The following LRRTM4 variants were observed in gnomAD, a reference collection of about 807,000 sequenced individuals.
The protein encoded by LRRTM4 is leucine rich repeat transmembrane neuronal 4, also known as leucine-rich repeat transmembrane neuronal protein 4.
A neutral mutation model predicts 47.6 loss-of-function variants in LRRTM4; 25 were observed. That is an observed-to-expected ratio of 0.53 (90% CI 0.38 to 0.73). LRRTM4 has a LOEUF of 0.73. Ranked by LOEUF, LRRTM4 falls within the 30% of genes least tolerant of loss-of-function variation. The pLI is 0.00. For missense variants in LRRTM4, 638 were observed against 713.4 expected (o/e 0.89, Z 1.20); for synonymous variants, 311 against 269.5 (o/e 1.15, Z -1.51).
chr2:76,963,755 T>C (rs564898122), intron 3 of LRRTM4, among the ~76,000 whole-genome samples: 1 of 150,980 alleles, frequency 6.6e-6, no homozygotes, highest in African/African-American at 2.4e-5. Flanking sequence ...ATATTGTTTA[T>C]AATAGTGAAA....
At chr2:77,331,831 A>G (rs761726445) in intron 3 of LRRTM4, among the ~76,000 whole-genome samples, 2 of 152,120 alleles carry the variant, frequency 1.3e-5, no homozygotes, top group Non-Finnish European at 2.9e-5. Flanking sequence ...TGACAATCCA[A>G]TCCTTCGTGT....
intron 2 of LRRTM4, among the ~76,000 whole-genome samples, chr2:77,520,689 G>A (rs528256432): frequency 1.3e-5 from 2 of 152,102 alleles, no homozygotes; most frequent in South Asian, 2.1e-4. Flanking sequence ...TTGCAAATTC[G>A]AAGGATAAAC....
chr2:77,212,285 G>T (rs1674313648), intron 3 of LRRTM4, among the ~76,000 whole-genome samples: 2 of 151,332 alleles, frequency 1.3e-5, no homozygotes. Flanking sequence ...AAGCACTATA[G>T]AATTTTGGAA....
chr2:77,006,648 C>T (rs965803458), intron 3 of LRRTM4, among the ~76,000 whole-genome samples: 4 of 152,136 alleles, frequency 2.6e-5, no homozygotes, highest in East Asian at 1.9e-4. Context: ...CAAAAACAAG[C>T]GGAGAGATTC....
At chr2:76,807,445 C>CATATATATATACAT (rs1670541084) in intron 3 of LRRTM4, among the ~76,000 whole-genome samples, 2 of 69,308 alleles carry the variant, frequency 2.9e-5, no homozygotes, top group African/African-American at 1.8e-4. Flanking sequence ...TACGTATATA[C>CATATATATATACAT]ATATATATAT....
At chr2:77,143,947 G>C (rs191161675) in intron 3 of LRRTM4, among the ~76,000 whole-genome samples, 1 of 152,208 alleles carries the variant, frequency 6.6e-6, no homozygotes, top group East Asian at 1.9e-4. Flanking sequence ...TTATTTTTGG[G>C]GGACGGGTTT....
chr2:77,222,142 T>C (rs1429437958), intron 3 of LRRTM4, among the ~76,000 whole-genome samples: 1 of 152,096 alleles, frequency 6.6e-6, no homozygotes, highest in East Asian at 1.9e-4. Context: ...GAAACAAAGA[T>C]GTTCTTTGAA....
chr2:76,897,454 T>C (rs949706880), intron 3 of LRRTM4, among the ~76,000 whole-genome samples: 1 of 152,170 alleles, frequency 6.6e-6, no homozygotes, highest in Non-Finnish European at 1.5e-5. Flanking sequence ...TTCTCATGCA[T>C]AGTTTACATA....
chr2:77,025,131 A>G (rs1678410983), intron 3 of LRRTM4, among the ~76,000 whole-genome samples: 1 of 152,196 alleles, frequency 6.6e-6, no homozygotes, highest in South Asian at 2.1e-4. Context: ...TCATAACATA[A>G]TAGGATCCGT....
chr2:77,350,381 G>A (rs1201873396), intron 3 of LRRTM4, among the ~76,000 whole-genome samples: 4 of 145,692 alleles, frequency 2.7e-5, no homozygotes, highest in Non-Finnish European at 6.0e-5. Flanking sequence ...GAAATGCTGA[G>A]GTGTTACAAT....
At chr2:76,887,527 ATTT>A (rs924773080) in intron 3 of LRRTM4, among the ~76,000 whole-genome samples, 17 of 150,416 alleles carry the variant, frequency 1.1e-4, no homozygotes, top group East Asian at 3.9e-4. Context: ...CATATATGTG[ATTT>A]TTTATCTCCC....
chr2:77,197,491 CAAAGAA>C (rs1356780877), intron 3 of LRRTM4, among the ~76,000 whole-genome samples: 1 of 151,930 alleles, frequency 6.6e-6, no homozygotes, highest in Non-Finnish European at 1.5e-5. Context: ...GATTATTAGA[CAAAGAA>C]AAAGTACATC....
intron 3 of LRRTM4, among the ~76,000 whole-genome samples, chr2:76,886,678 C>CCTA (rs1351885178): frequency 2.6e-5 from 4 of 151,876 alleles, no homozygotes; most frequent in African/African-American, 9.7e-5. Context: ...ACATAACTCT[C>CCTA]CTACATATTT....
chr2:76,946,740 T>A (rs1175798323), intron 3 of LRRTM4, among the ~76,000 whole-genome samples: 1 of 151,906 alleles, frequency 6.6e-6, no homozygotes, highest in Non-Finnish European at 1.5e-5. Context: ...TCACTCATAC[T>A]TAGAGTAAGA....
intron 3 of LRRTM4, among the ~76,000 whole-genome samples, chr2:77,220,465 T>C (rs2103945987): frequency 6.6e-6 from 1 of 152,086 alleles, no homozygotes; most frequent in East Asian, 1.9e-4. Context: ...TGAAAAAAAT[T>C]AGACGAATGG....
At chr2:77,508,632 GA>G (rs1407140457) in intron 3 of LRRTM4, among the ~76,000 whole-genome samples, 1 of 151,956 alleles carries the variant, frequency 6.6e-6, no homozygotes, top group Non-Finnish European at 1.5e-5. Flanking sequence ...CATATCATGA[GA>G]AATATTCCAT....
At chr2:77,075,872 G>A (rs1290295435) in intron 3 of LRRTM4, among the ~76,000 whole-genome samples, 2 of 111,930 alleles carry the variant, frequency 1.8e-5, no homozygotes, top group African/African-American at 7.1e-5. Flanking sequence ...CCGAGATCCC[G>A]CCACTGCACT....
chr2:77,177,949 T>C (rs1422142053), intron 3 of LRRTM4, among the ~76,000 whole-genome samples: 1 of 152,196 alleles, frequency 6.6e-6, no homozygotes, highest in Non-Finnish European at 1.5e-5. Context: ...GAACTTTTAT[T>C]ACAGTGAGAG....
intron 3 of LRRTM4, among the ~76,000 whole-genome samples, chr2:76,856,554 T>C (rs1264582287): frequency 6.6e-6 from 1 of 152,088 alleles, no homozygotes; most frequent in East Asian, 1.9e-4. Context: ...TAATCCTGCT[T>C]TGTGTTTAAA....
Sources: gnomAD v4.1 joint callset for allele counts (sites outside exome capture counted in the v4.1 genomes callset) on GRCh38, gnomAD v4.1.1 for gene constraint, MANE v1.5 for transcripts, NCBI Gene and HGNC (gene_info 2026-07-23, HGNC 2026-07-21) for gene names.